The following ANO4 variants were observed in gnomAD, a reference collection of about 807,000 sequenced individuals.
ANO4 encodes the protein anoctamin-4.
In ANO4, 69 loss-of-function variants were observed where a neutral mutation model predicts 141.9. The ratio of observed to expected loss-of-function variants is 0.49; its 90% CI spans 0.40 to 0.59. The LOEUF (loss-of-function observed/expected upper bound fraction) is 0.59. Ranked by LOEUF, ANO4 falls within the 20% of genes least tolerant of loss-of-function variation. The probability of loss-of-function intolerance (pLI) is 0.00; values close to 1 mark genes in which losing one functional copy is unlikely to be tolerated. For missense variants in ANO4, 894 were observed against 1,162.2 expected, an observed-to-expected ratio of 0.77 and a Z score of 3.36; for synonymous variants, 350 against 394.3, an observed-to-expected ratio of 0.89 and a Z score of 1.33.
intron 11 of ANO4, among the ~76,000 whole-genome samples, chr12:101,041,589 C>A (rs772641532): frequency 6.6e-6 from 1 of 152,052 alleles, no homozygotes; most frequent in Non-Finnish European, 1.5e-5. Flanking sequence ...TAGTACTGTG[C>A]TAAGTACTAT....
chr12:100,773,916 A>G (rs1000430240), intron 3 of ANO4, among the ~76,000 whole-genome samples: 14 of 152,196 alleles, frequency 9.2e-5, no homozygotes, highest in African/African-American at 3.4e-4. Flanking sequence ...TGTGCTAAAT[A>G]TGGCCCACTT....
intron 14 of ANO4, among the ~76,000 whole-genome samples, chr12:101,065,053 A>C (rs2048521327): frequency 6.6e-6 from 1 of 152,186 alleles, no homozygotes; most frequent in African/African-American, 2.4e-5. Flanking sequence ...GATGCTGGCA[A>C]TTTGGGTATG....
chr12:100,743,026 C>G (rs1290282698), intron 3 of ANO4, among the ~76,000 whole-genome samples: 1 of 151,638 alleles, frequency 6.6e-6, no homozygotes, highest in Non-Finnish European at 1.5e-5. Flanking sequence ...TTCATCCATC[C>G]AATATACACT....
intron 3 of ANO4, among the ~76,000 whole-genome samples, chr12:100,749,141 C>T (rs1248648516): frequency 2.0e-5 from 3 of 152,074 alleles, no homozygotes; most frequent in Non-Finnish European, 4.4e-5. Context: ...AGGCTGATTC[C>T]AGAGGAGCTG....
intron 22 of ANO4, among the ~76,000 whole-genome samples, chr12:101,106,659 C>A (rs2050458002): frequency 6.7e-6 from 1 of 148,768 alleles, no homozygotes; most frequent in Non-Finnish European, 1.5e-5. Context: ...GGAGAGGAAA[C>A]CACTCAAGAG....
chr12:101,091,846 T>TA (rs1566236556), intron 17 of ANO4, among the ~76,000 whole-genome samples: 1 of 152,092 alleles, frequency 6.6e-6, no homozygotes, highest in African/African-American at 2.4e-5. Context: ...AAAATATTTT[T>TA]ATATAGTATT....
At chr12:100,954,630 G>A (rs1029647195) in intron 5 of ANO4, among the ~76,000 whole-genome samples, 23 of 152,156 alleles carry the variant, frequency 1.5e-4, no homozygotes, top group African/African-American at 5.3e-4. Context: ...CTCCTAACAG[G>A]TTGTTCCCTG....
intron 1 of ANO4, among the ~76,000 whole-genome samples, chr12:100,804,282 T>C (rs1312689306): frequency 6.6e-6 from 1 of 152,196 alleles, no homozygotes; most frequent in Admixed American, 6.5e-5. Context: ...GACATGATCT[T>C]GTTCCTTTTT....
intron 2 of ANO4, among the ~76,000 whole-genome samples, chr12:100,917,971 A>G (rs888423133): frequency 2.0e-5 from 3 of 152,194 alleles, no homozygotes; most frequent in Non-Finnish European, 2.9e-5. Context: ...TGAACTCCAA[A>G]TAATTATTAA....
Position 100,988,040 on chromosome 12 carries a change from C to T in ANO4, c.734+370C>T, listed in dbSNP as rs77359257. On this transcript the variant is annotated intron_variant, in intron 8 of 27. Transcript: ENST00000392977. ...GCCAGCAGACAGGAGGAGTGGCCTA[C>T]ACCTTTTCCCATTGAAAAGAGGGTT... 1.5e-3 allele frequency among the ~76,000 whole-genome samples: 231 copies of T among 152,312 alleles called. 1 individual carries two copies. The highest frequency in any genetic ancestry group is 5.4e-3 in the African/African-American group (226 of 41,564).
intron 3 of ANO4, among the ~76,000 whole-genome samples, chr12:100,751,911 T>C (rs138541748): frequency 2.1e-3 from 316 of 152,264 alleles, no homozygotes; most frequent in African/African-American, 7.3e-3. Flanking sequence ...CTCAAGGATG[T>C]GTTGGAGCTG....
intron 3 of ANO4, among the ~76,000 whole-genome samples, chr12:100,752,399 T>A (rs2032422961): frequency 6.6e-6 from 1 of 152,138 alleles, no homozygotes; most frequent in Non-Finnish European, 1.5e-5. Flanking sequence ...AAAAAAAATT[T>A]AAGGAAATAA....
chr12:100,884,383 C>T (rs1356797460), intron 1 of ANO4, among the ~76,000 whole-genome samples: 1 of 152,174 alleles, frequency 6.6e-6, no homozygotes, highest in Non-Finnish European at 1.5e-5. Context: ...TCCACAGGGC[C>T]CCCCATGACC....
intron 14 of ANO4, among the ~76,000 whole-genome samples, chr12:101,055,706 T>C (rs183877418): frequency 5.8e-4 from 88 of 152,282 alleles, no homozygotes; most frequent in African/African-American, 2.1e-3. Context: ...TCTTCTGCAC[T>C]CATTTTTTGT....
At chr12:100,728,974 T>A (rs924132560) in intron 1 of ANO4, among the ~76,000 whole-genome samples, 1 of 149,316 alleles carries the variant, frequency 6.7e-6, no homozygotes, top group Non-Finnish European at 1.5e-5. Context: ...TACTCTTTCA[T>A]AACGCAAACT....
intron 5 of ANO4, among the ~76,000 whole-genome samples, chr12:100,953,130 T>A (rs966068583): frequency 1.3e-5 from 2 of 152,240 alleles, no homozygotes; most frequent in African/African-American, 4.8e-5. Flanking sequence ...TAATCATCAT[T>A]ATGTGCCACA....
At chr12:101,109,338 G>A (rs535595269) in intron 22 of ANO4, among the ~76,000 whole-genome samples, 2 of 152,048 alleles carry the variant, frequency 1.3e-5, no homozygotes, top group South Asian at 2.1e-4. Flanking sequence ...CAAGGCAGGC[G>A]GATCACAAGG....
intron 5 of ANO4, among the ~76,000 whole-genome samples, chr12:100,949,549 TATC>T (rs1004714866): frequency 1.3e-5 from 2 of 152,234 alleles, no homozygotes; most frequent in African/African-American, 4.8e-5. Context: ...TCATTACTGT[TATC>T]ATAACGGCTA....
At chr12:101,002,341 G>T (rs1209724006) in intron 8 of ANO4, among the ~76,000 whole-genome samples, 1 of 152,216 alleles carries the variant, frequency 6.6e-6, no homozygotes, top group Non-Finnish European at 1.5e-5. Flanking sequence ...CCTTGGCTGT[G>T]CACCTGCAGG....
Sources: allele counts gnomAD v4.1 joint callset (sites outside exome capture counted in the v4.1 genomes callset), GRCh38; gene constraint gnomAD v4.1.1; transcripts MANE v1.5; gene names NCBI Gene and HGNC (gene_info 2026-07-23, HGNC 2026-07-21).